Variants in CPO observed in about 807,000 individuals in gnomAD.
The protein encoded by CPO is carboxypeptidase O, also known as metallocarboxypeptidase C.
Under a neutral mutation model 41.2 loss-of-function variants are expected in CPO, and 43 were observed. That is an observed-to-expected ratio of 1.04 (90% CI 0.82 to 1.35). CPO has a LOEUF of 1.35. Ranked by LOEUF, CPO falls within the 40% of genes most tolerant of loss-of-function variation. CPO has a pLI of 0.00. For synonymous variants in CPO, 178 were observed against 162.7 expected (o/e 1.09, Z -0.72); for missense variants, 408 against 451.7 (o/e 0.90, Z 0.88).
At chr2:206,949,776 A>T (rs777324727) in intron 2 of CPO, 63 bp downstream of exon 2, 3 of 1,014,436 alleles carry the variant, frequency 3.0e-6, no homozygotes, top group Non-Finnish European at 3.1e-6. Flanking sequence ...ATGGGCAAAG[A>T]ATGGTTCACT....
chr2:206,967,346 TATATAGATATATAG>T (rs1273071241), intron 7 of CPO, among the ~76,000 whole-genome samples: 3 of 111,278 alleles, frequency 2.7e-5, no homozygotes, highest in South Asian at 2.8e-4. Flanking sequence ...TATATATATA[TATATAGATATATAG>T]ATATAGATAT....
At chr2:206,963,309 A>G (rs886710189) in intron 7 of CPO, among the ~76,000 whole-genome samples, 1 of 152,232 alleles carries the variant, frequency 6.6e-6, no homozygotes, top group African/African-American at 2.4e-5. Flanking sequence ...GCAAATTGTA[A>G]TATTTGTTTT....
intron 7 of CPO, among the ~76,000 whole-genome samples, chr2:206,965,622 C>T (rs1317021657): frequency 6.6e-6 from 1 of 152,114 alleles, no homozygotes; most frequent in Non-Finnish European, 1.5e-5. Flanking sequence ...AACCTCTGTA[C>T]TCCATCCCAA....
At chr2:206,957,628 G>A (rs1693394993) in intron 3 of CPO, among the ~76,000 whole-genome samples, 1 of 152,120 alleles carries the variant, frequency 6.6e-6, no homozygotes, top group Admixed American at 6.5e-5. Flanking sequence ...TCCAAGCATG[G>A]GAGTGTTAAC....
At chr2:206,945,657 T>C (rs929576862) in intron 1 of CPO, among the ~76,000 whole-genome samples, 1 of 152,190 alleles carries the variant, frequency 6.6e-6, no homozygotes, top group Non-Finnish European at 1.5e-5. Context: ...AATGTTTCTC[T>C]TAGGTGTGAG....
Position 206,962,527 on chromosome 2 carries a change from G to T in CPO, c.690G>T (p.Leu230Phe). The T allele has an allele frequency of 6.2e-7, 1 of 1,614,076 alleles. No individual in the cohort carries two copies. Among genetic ancestry groups the T allele is most frequent in the Non-Finnish European group, 8.5e-7 (1 of 1,179,988 alleles). ...SFIESKKDDI[L>F]CFLTMHSYGQ... The stretch of plus-strand genomic sequence containing the variant: ...TAGAGAGCAAGAAGGATGATATTTT[G>T]TGCTTCCTGACCATGCACTCTTATG... Residue 230 changes from leucine to phenylalanine, a missense_variant, in exon 7 of 9, where the codon TTG (leucine) becomes TTT (phenylalanine). Coordinates refer to ENST00000272852, the MANE Select transcript of CPO (RefSeq NM_173077.3).
intron 7 of CPO, 119 bp from the exon 8 acceptor site, chr2:206,968,144 T>G: frequency 1.4e-6 from 1 of 723,658 alleles, no homozygotes. Context: ...AGATGTCCGA[T>G]GGGAAGTTGG....
intron 3 of CPO, among the ~76,000 whole-genome samples, chr2:206,957,630 A>C (rs1424041659): frequency 1.3e-5 from 2 of 152,130 alleles, no homozygotes; most frequent in Non-Finnish European, 2.9e-5. Context: ...CAAGCATGGG[A>C]GTGTTAACAG....
intron 8 of CPO, 43 bp from the exon 9 acceptor site, chr2:206,969,131 C>A: frequency 6.3e-7 from 1 of 1,597,868 alleles, no homozygotes; most frequent in East Asian, 2.2e-5. Flanking sequence ...TCCATTCTTC[C>A]AAAGTATGAC....
intron 1 of CPO, among the ~76,000 whole-genome samples, chr2:206,943,731 TA>T (rs1559068417): frequency 5.9e-3 from 133 of 22,572 alleles, no homozygotes; most frequent in Non-Finnish European, 6.2e-3. Flanking sequence ...GGATAGATGA[TA>T]GATAGATAGA....
intron 1 of CPO, among the ~76,000 whole-genome samples, chr2:206,945,685 A>G (rs1412373741): frequency 6.6e-6 from 1 of 152,212 alleles, no homozygotes; most frequent in African/African-American, 2.4e-5. Context: ...TCTGGCAAAG[A>G]GGAGGCACTG....
At chr2:206,951,570 A>G (rs1032174872) in intron 2 of CPO, among the ~76,000 whole-genome samples, 2 of 152,238 alleles carry the variant, frequency 1.3e-5, no homozygotes, top group South Asian at 2.1e-4. Context: ...GAAAAGATTT[A>G]TACTTTCTTA....
At position 206,949,719 on chromosome 2, in the gene CPO, G is replaced by T; in HGVS notation, c.165+6G>T. ...TATACCACCCCATGGGAGAGGTAAG[G>T]AAGGACACATGGCAGGAGGTTGGTG... On this transcript the variant is annotated splice_donor_region_variant and intron_variant, in intron 2 of 8. Transcript: ENST00000272852. The T allele has an allele frequency of 1.9e-6, 3 of 1,586,318 alleles. No individual in the cohort carries two copies.
At chr2:206,969,046 T>C in intron 8 of CPO, 128 bp from the exon 9 acceptor site, 1 of 970,670 alleles carries the variant, frequency 1.0e-6, no homozygotes, top group Non-Finnish European at 1.6e-6. Flanking sequence ...AAGACAGCTA[T>C]TTCTGAGACC....
chr2:206,949,756 C>T (rs781150740), intron 2 of CPO, 43 bp downstream of exon 2: 1 of 1,282,912 alleles, frequency 7.8e-7, no homozygotes, highest in Non-Finnish European at 1.1e-6. Context: ...TTGTCACAAC[C>T]TACTTTAGGA....
At position 206,944,907 on chromosome 2, in the gene CPO, A is replaced by G. The variant is rs181011921; in HGVS notation, c.69-4710A>G. On this transcript the variant is annotated intron_variant, in intron 1 of 8. Transcript: ENST00000272852. ...GCATTTTAATTAATTCTATCAAAAC[A>G]TTTTGTAGTTTGGCATTGTTTGAGG... Among the ~76,000 whole-genome samples, 366 of 152,190 alleles carry G rather than the reference A, an allele frequency of 2.4e-3. 2 individuals carry two copies. The highest frequency in any genetic ancestry group is 8.4e-3 in the African/African-American group (349 of 41,564).
intron 1 of CPO, among the ~76,000 whole-genome samples, chr2:206,945,760 T>C (rs1024879388): frequency 4.6e-5 from 7 of 152,210 alleles, no homozygotes; most frequent in Admixed American, 1.3e-4. Flanking sequence ...TAAGCCCATA[T>C]CTATTAAAAA....
intron 7 of CPO, among the ~76,000 whole-genome samples, chr2:206,966,621 T>A (rs1431970370): frequency 1.3e-5 from 2 of 152,136 alleles, no homozygotes; most frequent in Non-Finnish European, 2.9e-5. Flanking sequence ...TCCTACCCAT[T>A]ATCTCAATTC....
chr2:206,958,459 C>A, intron 4 of CPO, 54 bp downstream of exon 4: 1 of 941,934 alleles, frequency 1.1e-6, no homozygotes. Flanking sequence ...AAATATCTGT[C>A]ACTTCTTGGC....
Sources: gnomAD v4.1 joint callset for allele counts (sites outside exome capture counted in the v4.1 genomes callset) on GRCh38, gnomAD v4.1.1 for gene constraint, MANE v1.5 for transcripts, NCBI Gene and HGNC (gene_info 2026-07-23, HGNC 2026-07-21) for gene names.